Variants in CDK14 observed in about 807,000 individuals in gnomAD.
The protein encoded by CDK14 is cyclin-dependent kinase 14.
Under a neutral mutation model 60.7 loss-of-function variants are expected in CDK14, and 34 were observed. That is an observed-to-expected ratio of 0.56 (90% CI 0.43 to 0.75). The LOEUF (loss-of-function observed/expected upper bound fraction) is 0.75, where lower values mean the gene tolerates loss of function less well. Among genes scored for constraint, CDK14 ranks in the 30% least tolerant of loss-of-function variants. CDK14 has a pLI of 0.00. For synonymous variants in CDK14, 197 were observed against 203.7 expected (o/e 0.97, Z 0.28); for missense variants, 482 against 564.1 (o/e 0.85, Z 1.47).
At chr7:90,624,981 C>G (rs1016451976) in intron 2 of CDK14, among the ~76,000 whole-genome samples, 4 of 152,136 alleles carry the variant, frequency 2.6e-5, no homozygotes, top group Non-Finnish European at 5.9e-5. Flanking sequence ...TAATACTTAG[C>G]TCATAGAGTT....
intron 6 of CDK14, among the ~76,000 whole-genome samples, chr7:90,868,302 T>TACAC (rs758911261): frequency 0.13 from 18,966 of 149,202 alleles, 1,417 homozygotes; most frequent in Middle Eastern, 0.26. Context: ...TATATATATA[T>TACAC]ACACACACAC....
intron 10 of CDK14, among the ~76,000 whole-genome samples, chr7:91,037,946 G>T (rs1442210355): frequency 6.6e-6 from 1 of 152,194 alleles, no homozygotes; most frequent in Admixed American, 6.5e-5. Flanking sequence ...GTATTCTCCA[G>T]TTCCCTTAGT....
At chr7:90,966,458 T>A (rs1055460712) in intron 9 of CDK14, among the ~76,000 whole-genome samples, 2 of 152,184 alleles carry the variant, frequency 1.3e-5, no homozygotes, top group Non-Finnish European at 2.9e-5. Flanking sequence ...ATCTGAAGGC[T>A]TTTTCTTTGT....
chr7:90,934,968 G>C (rs1473960012), intron 8 of CDK14, among the ~76,000 whole-genome samples: 1 of 152,206 alleles, frequency 6.6e-6, no homozygotes, highest in Non-Finnish European at 1.5e-5. Context: ...GCTATCACAG[G>C]ATAGTACAGA....
chr7:91,017,490 C>A (rs1796329674), intron 10 of CDK14, among the ~76,000 whole-genome samples: 1 of 152,136 alleles, frequency 6.6e-6, no homozygotes, highest in Non-Finnish European at 1.5e-5. Flanking sequence ...GTTTAAAATG[C>A]TTTTAGAGAG....
At chr7:90,832,378 A>G (rs1277724264) in intron 5 of CDK14, among the ~76,000 whole-genome samples, 2 of 152,134 alleles carry the variant, frequency 1.3e-5, no homozygotes, top group Non-Finnish European at 2.9e-5. Flanking sequence ...CCCAAGGGAA[A>G]GTTACACATA....
intron 5 of CDK14, among the ~76,000 whole-genome samples, chr7:90,832,662 C>G (rs1789950267): frequency 6.6e-6 from 1 of 152,090 alleles, no homozygotes; most frequent in South Asian, 2.1e-4. Flanking sequence ...ATTGAAGTAT[C>G]ATTGATAAGT....
At chr7:91,026,025 C>CTT (rs5885753) in intron 10 of CDK14, among the ~76,000 whole-genome samples, 11 of 146,900 alleles carry the variant, frequency 7.5e-5, no homozygotes, top group African/African-American at 7.5e-5. Context: ...ACTAAGTTAC[C>CTT]TTTTTTTTTT....
At chr7:90,931,783 TGTG>T in intron 8 of CDK14, among the ~76,000 whole-genome samples, 1 of 150,672 alleles carries the variant, frequency 6.6e-6, no homozygotes, top group Non-Finnish European at 1.5e-5. Context: ...TTGGATTTTG[TGTG>T]TGTGTGTGTG....
chr7:90,689,703 T>C (rs1413862699), intron 2 of CDK14, among the ~76,000 whole-genome samples: 1 of 152,212 alleles, frequency 6.6e-6, no homozygotes, highest in East Asian at 1.9e-4. Context: ...TTATATTTAA[T>C]GTTTATAAAA....
chr7:91,144,590 C>T (rs1000374429), intron 14 of CDK14, among the ~76,000 whole-genome samples: 2 of 152,158 alleles, frequency 1.3e-5, no homozygotes, highest in African/African-American at 4.8e-5. Context: ...ACGCAGATAA[C>T]AGAAATCATT....
At chr7:90,874,948 C>A (rs1430569511) in intron 6 of CDK14, among the ~76,000 whole-genome samples, 2 of 152,078 alleles carry the variant, frequency 1.3e-5, no homozygotes, top group Non-Finnish European at 2.9e-5. Context: ...CGTTGTGGAA[C>A]CATTACTACA....
At chr7:90,868,386 T>C (rs1791257130) in intron 6 of CDK14, among the ~76,000 whole-genome samples, 1 of 151,772 alleles carries the variant, frequency 6.6e-6, no homozygotes, top group Non-Finnish European at 1.5e-5. Context: ...TTGATTGTGG[T>C]GATGGTATTA....
chr7:90,880,581 C>A (rs1791714123), intron 6 of CDK14, among the ~76,000 whole-genome samples: 1 of 152,168 alleles, frequency 6.6e-6, no homozygotes, highest in Admixed American at 6.5e-5. Context: ...CACCAAGGGA[C>A]AAAGTGCTTC....
intron 8 of CDK14, among the ~76,000 whole-genome samples, chr7:90,954,064 G>A (rs1007451667): frequency 3.9e-5 from 6 of 152,092 alleles, no homozygotes; most frequent in Non-Finnish European, 8.8e-5. Context: ...TGTCTGTGTG[G>A]TATAATCTGT....
intron 2 of CDK14, among the ~76,000 whole-genome samples, chr7:90,691,956 G>A (rs377406061): frequency 3.6e-4 from 55 of 152,200 alleles, no homozygotes; most frequent in African/African-American, 1.2e-3. Context: ...AATTGTTGTG[G>A]GGCAGGAGAT....
chr7:90,986,045 T>C (rs1425095019), intron 10 of CDK14, among the ~76,000 whole-genome samples: 1 of 152,116 alleles, frequency 6.6e-6, no homozygotes, highest in African/African-American at 2.4e-5. Flanking sequence ...ATATCTTCTA[T>C]AGAGTTTTTC....
At chr7:90,736,583 A>G (rs2116759585) in intron 3 of CDK14, among the ~76,000 whole-genome samples, 1 of 152,114 alleles carries the variant, frequency 6.6e-6, no homozygotes, top group South Asian at 2.1e-4. Flanking sequence ...ACTGATAAGC[A>G]TCAAAGGAAG....
chr7:90,718,847 A>T (rs1802343446), intron 2 of CDK14, among the ~76,000 whole-genome samples: 1 of 152,118 alleles, frequency 6.6e-6, no homozygotes, highest in African/African-American at 2.4e-5. Context: ...ATTGGTTATG[A>T]TTCTAGTGGC....
Sources: gnomAD v4.1 joint callset for allele counts (sites outside exome capture counted in the v4.1 genomes callset) on GRCh38, gnomAD v4.1.1 for gene constraint, MANE v1.5 for transcripts, NCBI Gene and HGNC (gene_info 2026-07-23, HGNC 2026-07-21) for gene names.